The following GRM7 variants were observed in gnomAD, a reference collection of about 807,000 sequenced individuals.
The protein encoded by GRM7 is glutamate metabotropic receptor 7.
In GRM7, 35 loss-of-function variants were observed where a neutral mutation model predicts 84.5. The ratio of observed to expected loss-of-function variants is 0.41; its 90% CI spans 0.32 to 0.55. GRM7 has a LOEUF of 0.55. GRM7 is among the 20% of genes least tolerant of loss of function. The pLI is 0.19. For missense variants in GRM7, 1,003 were observed against 1,194.6 expected, an observed-to-expected ratio of 0.84 and a Z score of 2.36; for synonymous variants, 487 against 455.1, an observed-to-expected ratio of 1.07 and a Z score of -0.89.
In GRM7 at chr3:7,713,123, TG is replaced by T. The variant is rs139042282; in HGVS notation, c.2699-27233del. 7.9e-3 allele frequency among the ~76,000 whole-genome samples: 757 copies of T among 96,290 alleles called. 27 individuals are homozygous for T. The highest frequency in any genetic ancestry group is 0.014 in the African/African-American group (374 of 26,020). 63.2% of individuals were successfully genotyped at this position (96,290 alleles called of 152,430 possible). On this transcript the variant is annotated intron_variant, in intron 9 of 9. Coordinates refer to ENST00000357716, the MANE Select transcript of GRM7 (RefSeq NM_000844.4). ...GATAGAGAGGATTCGAATTTTGTTT[TG>T]TTTTTTTTTTTTTTTTTTTTTTTTT...
chr3:7,333,418 C>G (rs1416705762), intron 4 of GRM7, among the ~76,000 whole-genome samples: 1 of 152,184 alleles, frequency 6.6e-6, no homozygotes, highest in Non-Finnish European at 1.5e-5. Context: ...TTAAGAAGCC[C>G]CATTCCTAGG....
At position 7,506,374 on chromosome 3, in the gene GRM7, G is replaced by A. The variant is rs966874987; in HGVS notation, c.1515+44652G>A. The stretch of plus-strand genomic sequence containing the variant: ...CTTCTCTTATTCCCAGCTTTCACTC[G>A]AATCACTCTTGATGCCCCATTCATG... On this transcript the variant is annotated intron_variant, in intron 7 of 9. Coordinates refer to ENST00000357716, the MANE Select transcript of GRM7 (RefSeq NM_000844.4). Among the ~76,000 whole-genome samples the A allele has an allele frequency of 4.6e-5, 7 of 152,090 alleles. 1 individual carries two copies. Among genetic ancestry groups the A allele is most frequent in the Admixed American group, 6.6e-5 (1 of 15,264 alleles).
intron 1 of GRM7, among the ~76,000 whole-genome samples, chr3:6,960,681 A>G (rs181803537): frequency 2.1e-3 from 322 of 152,218 alleles, no homozygotes; most frequent in Middle Eastern, 0.014. Flanking sequence ...AAAATTCCCA[A>G]TCTCCAATAT....
rs1040215212 is a variant in GRM7, at chr3:7,188,822, A to C, written c.736+42154A>C. Among the ~76,000 whole-genome samples, 4 of 152,202 alleles carry C rather than the reference A, an allele frequency of 2.6e-5. No homozygotes were observed. The highest frequency in any genetic ancestry group is 9.7e-5 in the African/African-American group (4 of 41,446). On this transcript the variant is annotated intron_variant, in intron 2 of 9. Transcript: ENST00000357716. This position sits in a 1 kb window ranked among gnomAD's most constrained non-coding sequence, Gnocchi z 4.2. ...TGATATTCTGTAGTGACTCATGATC[A>C]TTGCATCCAAGCAGTGAAGGGAGAG...
intron 8 of GRM7, among the ~76,000 whole-genome samples, chr3:7,581,583 T>C (rs545619057): frequency 6.6e-6 from 1 of 152,272 alleles, no homozygotes; most frequent in East Asian, 1.9e-4. Flanking sequence ...AATTATCAAA[T>C]GTAACAAAGA....
intron 3 of GRM7, among the ~76,000 whole-genome samples, chr3:7,299,747 C>A (rs1221061689): frequency 2.0e-5 from 3 of 152,070 alleles, no homozygotes; most frequent in Non-Finnish European, 4.4e-5. Context: ...TACTTCTACT[C>A]AGTATTCAAT....
intron 7 of GRM7, among the ~76,000 whole-genome samples, chr3:7,556,615 T>G (rs960896193): frequency 9.9e-5 from 15 of 152,182 alleles, no homozygotes; most frequent in Non-Finnish European, 2.1e-4. Flanking sequence ...ACTCAACTGG[T>G]GAACCAAAGC....
intron 1 of GRM7, among the ~76,000 whole-genome samples, chr3:7,003,923 A>G (rs1401946320): frequency 6.6e-6 from 1 of 152,190 alleles, no homozygotes; most frequent in Non-Finnish European, 1.5e-5. Flanking sequence ...CTTGTCTGGC[A>G]TTGGAGGCTC....
At chr3:7,333,046 C>T (rs563099030) in intron 4 of GRM7, among the ~76,000 whole-genome samples, 1 of 152,240 alleles carries the variant, frequency 6.6e-6, no homozygotes, top group African/African-American at 2.4e-5. Context: ...GGCTGGAGGT[C>T]AATCAAGTCA....
chr3:7,396,877 G>C (rs1259802844), intron 4 of GRM7, among the ~76,000 whole-genome samples: 2 of 152,044 alleles, frequency 1.3e-5, no homozygotes, highest in African/African-American at 4.8e-5. Context: ...TAAAATAGAA[G>C]AACTTTATGG....
chr3:7,031,043 A>T (rs17046636), intron 1 of GRM7, among the ~76,000 whole-genome samples: 4,614 of 152,282 alleles, frequency 0.03, 246 homozygotes, highest in African/African-American at 0.1. Context: ...CATTTTTATA[A>T]GGCATATTCA....
chr3:6,887,404 C>T lies in GRM7; in HGVS notation c.519+25497C>T, dbSNP rs186631779. On this transcript the variant is annotated intron_variant, in intron 1 of 9. Transcript: ENST00000357716. ...CCTTCCCCCACCCCACAACAGTCCACAGAGTGTGATGTTCCCCTTCCTGTG... is the reference window on the plus strand; with the variant it reads ...CCTTCCCCCACCCCACAACAGTCCATAGAGTGTGATGTTCCCCTTCCTGTG... 3.3e-5 allele frequency among the ~76,000 whole-genome samples: 5 copies of T among 151,612 alleles called. No homozygotes were observed. The East Asian group carries it at 9.8e-4, about 30-fold the overall frequency.
intron 2 of GRM7, among the ~76,000 whole-genome samples, chr3:7,189,528 T>C (rs1253025218): frequency 1.3e-5 from 2 of 152,214 alleles, no homozygotes; most frequent in Non-Finnish European, 2.9e-5. Flanking sequence ...CTGTTATCAC[T>C]ATTACTGTTG....
chr3:7,093,154 C>A (rs1362877413), intron 1 of GRM7, among the ~76,000 whole-genome samples: 1 of 152,100 alleles, frequency 6.6e-6, no homozygotes, highest in Non-Finnish European at 1.5e-5. Flanking sequence ...ATGCAGAGAC[C>A]TTTGCCATTC....
chr3:7,104,938 A>G (rs1325422672), intron 1 of GRM7, among the ~76,000 whole-genome samples: 1 of 151,888 alleles, frequency 6.6e-6, no homozygotes, highest in Non-Finnish European at 1.5e-5. Flanking sequence ...AGATTAATAT[A>G]CACATGGCAT....
intron 1 of GRM7, among the ~76,000 whole-genome samples, chr3:6,983,335 C>T (rs1402222472): frequency 6.6e-6 from 1 of 152,034 alleles, no homozygotes; most frequent in Non-Finnish European, 1.5e-5. Context: ...AAAAATTAGG[C>T]CTGATATTTT....
At chr3:6,994,405 T>G (rs998559330) in intron 1 of GRM7, among the ~76,000 whole-genome samples, 1 of 152,204 alleles carries the variant, frequency 6.6e-6, no homozygotes. Context: ...TGTCATATTT[T>G]CTCCCTGTTT....
At chr3:7,367,489 A>G (rs1037139013) in intron 4 of GRM7, among the ~76,000 whole-genome samples, 2 of 151,978 alleles carry the variant, frequency 1.3e-5, no homozygotes, top group African/African-American at 4.8e-5. Flanking sequence ...ACAAGATACT[A>G]GAAAGGACAT....
chr3:7,463,027 A>G (rs1161207950), intron 7 of GRM7, among the ~76,000 whole-genome samples: 1 of 152,182 alleles, frequency 6.6e-6, no homozygotes, highest in Non-Finnish European at 1.5e-5. Context: ...TCAAAAGCAG[A>G]ATCAAAGCAG....
Sources: gnomAD v4.1 joint callset for allele counts (sites outside exome capture counted in the v4.1 genomes callset) on GRCh38, gnomAD v4.1.1 for gene constraint, Gnocchi (gnomAD v3.1) non-coding constraint, MANE v1.5 for transcripts, NCBI Gene and HGNC (gene_info 2026-07-23, HGNC 2026-07-21) for gene names.